The following PPP1R13B variants were observed in gnomAD, a reference collection of about 807,000 sequenced individuals.
The protein encoded by PPP1R13B is protein phosphatase 1 regulatory subunit 13B.
In PPP1R13B, 44 loss-of-function variants were observed where a neutral mutation model predicts 119.8. The observed-to-expected ratio is 0.37, with a 90% confidence interval of 0.29 to 0.47. The LOEUF is 0.47. PPP1R13B is among the 20% of genes least tolerant of loss of function. PPP1R13B has a pLI of 0.99. For missense variants in PPP1R13B, 1,227 were observed against 1,413.5 expected (o/e 0.87, Z 2.12); for synonymous variants, 542 against 561.5 (o/e 0.97, Z 0.49).
chr14:103,825,075 T>G (rs1398342871), intron 1 of PPP1R13B, among the ~76,000 whole-genome samples: 2 of 152,192 alleles, frequency 1.3e-5, no homozygotes, highest in Non-Finnish European at 2.9e-5. Flanking sequence ...TTCATTATTA[T>G]TATATTTCCT....
intron 1 of PPP1R13B, among the ~76,000 whole-genome samples, chr14:103,809,350 C>T (rs924660742): frequency 2.6e-5 from 4 of 152,088 alleles, no homozygotes; most frequent in African/African-American, 9.7e-5. Flanking sequence ...GCATTATTTA[C>T]TTAGTATATA....
At chr14:103,765,986 T>TTTTTTA (rs141588292) in intron 4 of PPP1R13B, among the ~76,000 whole-genome samples, 56 of 139,076 alleles carry the variant, frequency 4.0e-4, no homozygotes, top group African/African-American at 1.0e-3. Context: ...AAATTTTTAT[T>TTTTTTA]TTATTATTAT....
intron 2 of PPP1R13B, among the ~76,000 whole-genome samples, chr14:103,793,123 T>G (rs1293823631): frequency 5.5e-3 from 82 of 14,888 alleles, no homozygotes; most frequent in East Asian, 0.012. Flanking sequence ...GGGAAGGCAA[T>G]GGGAGGGGAG....
Position 103,847,452 on chromosome 14 carries a change from G to A in PPP1R13B, c.-145C>T, listed in dbSNP as rs1253329093. 5 of 999,396 alleles carry A rather than the reference G, an allele frequency of 5.0e-6. No homozygotes were observed. Among genetic ancestry groups the A allele is most frequent in the Admixed American group, 1.2e-4 (2 of 16,356 alleles). The allele number at this position is 999,396 out of a possible 1,614,324, so 61.9% of individuals were successfully genotyped here. A position where few individuals can be genotyped will look rare whatever the true frequency, so the allele number is the denominator to read the frequency against. On this transcript the variant is annotated 5_prime_UTR_variant, in exon 1 of 17. Coordinates refer to ENST00000202556, the MANE Select transcript of PPP1R13B (RefSeq NM_015316.3). ...GCCGCGGCGAGGCGGCAGCTGCGGCGGGCTGCGGGGCTCTCGCTGGCCCTG... is the reference window on the plus strand; with the variant it reads ...GCCGCGGCGAGGCGGCAGCTGCGGCAGGCTGCGGGGCTCTCGCTGGCCCTG...
chr14:103,844,248 C>G (rs993308919), intron 1 of PPP1R13B, among the ~76,000 whole-genome samples: 41 of 151,150 alleles, frequency 2.7e-4, no homozygotes, highest in African/African-American at 9.7e-4. Flanking sequence ...GCCTTGGCAA[C>G]AGGAGTGAAA....
chr14:103,801,356 G>A (rs1595792957), intron 1 of PPP1R13B, among the ~76,000 whole-genome samples: 1 of 152,056 alleles, frequency 6.6e-6, no homozygotes, highest in East Asian at 1.9e-4. Flanking sequence ...CATGAGGCTT[G>A]GATTTCTATA....
intron 7 of PPP1R13B, among the ~76,000 whole-genome samples, chr14:103,751,266 T>TA (rs1390115040): frequency 1.3e-5 from 2 of 152,226 alleles, no homozygotes; most frequent in Admixed American, 1.3e-4. Context: ...AAAAAATCCT[T>TA]AAAACGCTGC....
At chr14:103,842,945 C>A (rs996050095) in intron 1 of PPP1R13B, among the ~76,000 whole-genome samples, 1 of 152,166 alleles carries the variant, frequency 6.6e-6, no homozygotes, top group East Asian at 1.9e-4. Context: ...CCACTGCACT[C>A]CAGCCTGGGC....
intron 9 of PPP1R13B, 37 bp downstream of exon 9, chr14:103,746,336 C>T: frequency 9.2e-7 from 1 of 1,082,316 alleles, no homozygotes; most frequent in Non-Finnish European, 1.2e-6. Context: ...TCCCTGCTCA[C>T]AAACTCTCCC....
At chr14:103,827,207 G>C (rs570590588) in intron 1 of PPP1R13B, among the ~76,000 whole-genome samples, 1 of 151,624 alleles carries the variant, frequency 6.6e-6, no homozygotes, top group Admixed American at 6.6e-5. Context: ...GTGGTGGCAC[G>C]CACCTGTAGT....
At chr14:103,800,157 A>G in intron 1 of PPP1R13B, among the ~76,000 whole-genome samples, 1 of 152,208 alleles carries the variant, frequency 6.6e-6, no homozygotes, top group Non-Finnish European at 1.5e-5. Context: ...CTAATCTTTG[A>G]CAAAAGGTCA....
intron 15 of PPP1R13B, chr14:103,736,469 AGTGTGCTGTTCTTAAG>A (rs2151959098): frequency 8.9e-6 from 5 of 561,858 alleles, no homozygotes; most frequent in Non-Finnish European, 1.6e-5. Context: ...CCAGGGCAAG[AGTGTGCTGTTCTTAAG>A]GTGACGCTTA....
rs535866569 is a variant in PPP1R13B, at chr14:103,796,442, A to G, written c.157+929T>C. On this transcript the variant is annotated intron_variant, in intron 2 of 16. Coordinates refer to ENST00000202556, the MANE Select transcript of PPP1R13B (RefSeq NM_015316.3). ...AATAAGACATATCTTCACAACTACT[A>G]GGATGGCTAAACTCAAGCAGACAGT... Among the ~76,000 whole-genome samples, 3 of 152,328 alleles carry G rather than the reference A, an allele frequency of 2.0e-5. No homozygotes were observed. In the East Asian group the frequency reaches 5.8e-4, roughly 29 times the overall value.
At chr14:103,790,443 G>C (rs2085589028) in intron 2 of PPP1R13B, among the ~76,000 whole-genome samples, 1 of 151,990 alleles carries the variant, frequency 6.6e-6, no homozygotes, top group Non-Finnish European at 1.5e-5. Flanking sequence ...GAAGCGATTA[G>C]GTCATGAGAG....
chr14:103,789,119 G>A (rs1324249401), intron 2 of PPP1R13B, among the ~76,000 whole-genome samples: 1 of 152,168 alleles, frequency 6.6e-6, no homozygotes, highest in Non-Finnish European at 1.5e-5. Flanking sequence ...TCTACTGAGA[G>A]AATATTTATA....
At chr14:103,792,795 G>A (rs1011592239) in intron 2 of PPP1R13B, among the ~76,000 whole-genome samples, 1 of 152,036 alleles carries the variant, frequency 6.6e-6, no homozygotes, top group Non-Finnish European at 1.5e-5. Flanking sequence ...AAGAGGCTGG[G>A]TGCAGTGGCT....
intron 8 of PPP1R13B, among the ~76,000 whole-genome samples, chr14:103,749,154 T>A (rs2084474433): frequency 6.6e-6 from 1 of 152,228 alleles, no homozygotes; most frequent in Non-Finnish European, 1.5e-5. Context: ...TAATACTCAT[T>A]TTTTCAATGA....
intron 3 of PPP1R13B, among the ~76,000 whole-genome samples, chr14:103,783,210 T>C (rs947550258): frequency 7.3e-6 from 1 of 137,374 alleles, no homozygotes; most frequent in Non-Finnish European, 1.7e-5. Flanking sequence ...ATTTATCTTT[T>C]GACTTTTTTT....
At chr14:103,818,309 C>A (rs1353925496) in intron 1 of PPP1R13B, among the ~76,000 whole-genome samples, 1 of 152,130 alleles carries the variant, frequency 6.6e-6, no homozygotes, top group Non-Finnish European at 1.5e-5. Context: ...CTTATAAAAC[C>A]CATCTACAAT....
Sources: gnomAD v4.1 joint callset for allele counts (sites outside exome capture counted in the v4.1 genomes callset) on GRCh38, gnomAD v4.1.1 for gene constraint, MANE v1.5 for transcripts, NCBI Gene and HGNC (gene_info 2026-07-23, HGNC 2026-07-21) for gene names.